PITPNC1: variants seen among roughly 807,000 people sequenced by gnomAD.
The protein encoded by PITPNC1 is cytoplasmic phosphatidylinositol transfer protein 1.
In PITPNC1, 18 loss-of-function variants were observed where a neutral mutation model predicts 44.7. The ratio of observed to expected loss-of-function variants is 0.40; its 90% CI spans 0.28 to 0.60. The LOEUF (loss-of-function observed/expected upper bound fraction) is 0.60. Ranked by LOEUF, PITPNC1 falls within the 20% of genes least tolerant of loss-of-function variation. PITPNC1 has a pLI of 0.39. For missense variants in PITPNC1, 290 were observed against 418.4 expected, an observed-to-expected ratio of 0.69 and a Z score of 2.68; for synonymous variants, 141 against 149.6, an observed-to-expected ratio of 0.94 and a Z score of 0.42.
At chr17:67,448,460 C>T (rs76401876) in intron 1 of PITPNC1, among the ~76,000 whole-genome samples, 1 of 152,230 alleles carries the variant, frequency 6.6e-6, no homozygotes, top group East Asian at 1.9e-4. Flanking sequence ...GAGACTTCTT[C>T]GCTGGCATGT....
At chr17:67,672,774 G>A (rs2042536811) in intron 7 of PITPNC1, among the ~76,000 whole-genome samples, 2 of 152,022 alleles carry the variant, frequency 1.3e-5, no homozygotes, top group Non-Finnish European at 1.5e-5. Flanking sequence ...AAGTGTTATT[G>A]ACACTCCAGA....
intron 1 of PITPNC1, among the ~76,000 whole-genome samples, chr17:67,437,520 C>T (rs2038953813): frequency 6.6e-6 from 1 of 152,154 alleles, no homozygotes; most frequent in South Asian, 2.1e-4. Flanking sequence ...CGGGAGAACA[C>T]ATTTCTGTTG....
At chr17:67,531,943 G>T (rs572723359) in intron 1 of PITPNC1, among the ~76,000 whole-genome samples, 21 of 152,060 alleles carry the variant, frequency 1.4e-4, no homozygotes, top group Non-Finnish European at 2.8e-4. Flanking sequence ...TTGCCACTTC[G>T]AAAGTCCACT....
chr17:67,403,890 C>A (rs2038359207), intron 1 of PITPNC1, among the ~76,000 whole-genome samples: 1 of 152,104 alleles, frequency 6.6e-6, no homozygotes, highest in Non-Finnish European at 1.5e-5. Flanking sequence ...TGTGTGGTGG[C>A]AGGTGCCTGT....
At chr17:67,495,052 G>GTTTTTTTTTTT (rs1243868487) in intron 1 of PITPNC1, among the ~76,000 whole-genome samples, 92 of 38,556 alleles carry the variant, frequency 2.4e-3, no homozygotes, top group South Asian at 5.4e-3. Flanking sequence ...TTTTTTTTTT[G>GTTTTTTTTTTT]TTTTTTTTTT....
intron 5 of PITPNC1, among the ~76,000 whole-genome samples, chr17:67,609,341 G>C (rs1483392499): frequency 6.7e-6 from 1 of 148,338 alleles, no homozygotes; most frequent in Non-Finnish European, 1.5e-5. Context: ...CCCAGGCCGG[G>C]TGCAATGGCG....
At chr17:67,412,720 C>T (rs1490399965) in intron 1 of PITPNC1, among the ~76,000 whole-genome samples, 6 of 152,174 alleles carry the variant, frequency 3.9e-5, no homozygotes, top group Non-Finnish European at 5.9e-5. Context: ...GCGCCCACCA[C>T]CACGCCTGGC....
intron 4 of PITPNC1, among the ~76,000 whole-genome samples, chr17:67,561,876 G>A (rs1229118290): frequency 1.1e-4 from 16 of 152,202 alleles, no homozygotes; most frequent in Non-Finnish European, 1.5e-4. Flanking sequence ...GATTACAGGC[G>A]TGAGCCATCA....
chr17:67,484,704 G>A (rs1469204484), intron 1 of PITPNC1, among the ~76,000 whole-genome samples: 1 of 152,124 alleles, frequency 6.6e-6, no homozygotes, highest in Non-Finnish European at 1.5e-5. Flanking sequence ...TTGGGAGGCC[G>A]AGGTGGGCGG....
chr17:67,681,768 T>C (rs979529042), intron 8 of PITPNC1, among the ~76,000 whole-genome samples: 4 of 152,132 alleles, frequency 2.6e-5, no homozygotes, highest in African/African-American at 9.7e-5. Flanking sequence ...TTTGCCCATC[T>C]GATAGCAAAA....
At chr17:67,616,608 G>T (rs1351703642) in intron 5 of PITPNC1, among the ~76,000 whole-genome samples, 3 of 152,128 alleles carry the variant, frequency 2.0e-5, no homozygotes. Context: ...CCGTATGTGG[G>T]ACTTCAGGTC....
At chr17:67,531,721 G>T (rs1179519931) in intron 1 of PITPNC1, among the ~76,000 whole-genome samples, 1 of 152,150 alleles carries the variant, frequency 6.6e-6, no homozygotes, top group African/African-American at 2.4e-5. Flanking sequence ...GAATAACCCC[G>T]AGTCCTCATT....
rs370859190 is a variant in PITPNC1, at chr17:67,539,524, G to A, written c.197+6574G>A. On this transcript the variant is annotated intron_variant, in intron 2 of 8. Coordinates refer to ENST00000581322, the MANE Select transcript of PITPNC1 (RefSeq NM_012417.4). ...ATAAATTTCAAATGCACATCGTAAC[G>A]TGCAATATATCAGCTGCAAAAAACA... 3.0e-4 allele frequency among the ~76,000 whole-genome samples: 46 copies of A among 152,254 alleles called. No individual in the cohort carries two copies. The South Asian group carries it at 9.6e-3, about 32-fold the overall frequency.
intron 6 of PITPNC1, among the ~76,000 whole-genome samples, chr17:67,664,235 G>A (rs1448033823): frequency 6.6e-6 from 1 of 152,180 alleles, no homozygotes; most frequent in Non-Finnish European, 1.5e-5. Context: ...AAAGTGCTGG[G>A]ATTACAGGCG....
intron 1 of PITPNC1, among the ~76,000 whole-genome samples, chr17:67,463,981 G>A (rs148411854): frequency 0.018 from 2,684 of 152,082 alleles, 80 homozygotes; most frequent in East Asian, 0.13. Context: ...ATCACTTGAG[G>A]TCAAGAGTTC....
intron 1 of PITPNC1, among the ~76,000 whole-genome samples, chr17:67,500,316 A>G (rs1312151076): frequency 6.6e-6 from 1 of 152,256 alleles, no homozygotes; most frequent in Non-Finnish European, 1.5e-5. Context: ...TTATCTGGTA[A>G]TAAAAAGGTA....
chr17:67,602,652 G>T (rs774004653), intron 5 of PITPNC1, among the ~76,000 whole-genome samples: 3 of 152,178 alleles, frequency 2.0e-5, no homozygotes, highest in Non-Finnish European at 4.4e-5. Flanking sequence ...CACCAATGAG[G>T]CGTGTGGCTA....
At chr17:67,434,298 A>G (rs139878156) in intron 1 of PITPNC1, among the ~76,000 whole-genome samples, 10 of 152,310 alleles carry the variant, frequency 6.6e-5, no homozygotes, top group Admixed American at 1.3e-4. Context: ...CATCCCATTG[A>G]ATGCAATCTG....
intron 8 of PITPNC1, 79 bp downstream of exon 8, chr17:67,675,621 T>A (rs1324066683): frequency 5.3e-6 from 5 of 936,458 alleles, no homozygotes; most frequent in Non-Finnish European, 8.8e-6. Flanking sequence ...CTTCAACTGC[T>A]ACCTAGAAGG....
Sources: allele counts gnomAD v4.1 joint callset (sites outside exome capture counted in the v4.1 genomes callset), GRCh38; gene constraint gnomAD v4.1.1; transcripts MANE v1.5; gene names NCBI Gene and HGNC (gene_info 2026-07-23, HGNC 2026-07-21).